Variants in RBFOX1 observed in about 807,000 individuals in gnomAD.
RBFOX1 encodes RNA binding fox-1 homolog 1.
A neutral mutation model predicts 57.7 loss-of-function variants in RBFOX1; 8 were observed. The ratio of observed to expected loss-of-function variants is 0.14; its 90% CI spans 0.08 to 0.25. The LOEUF (loss-of-function observed/expected upper bound fraction) is 0.25, where lower values mean the gene tolerates loss of function less well. Among genes scored for constraint, RBFOX1 ranks in the 10% least tolerant of loss-of-function variants. The pLI is 1.00. For synonymous variants in RBFOX1, 326 were observed against 222.4 expected (o/e 1.47, Z -4.15); for missense variants, 611 against 548.5 (o/e 1.11, Z -1.14).
intron 1 of RBFOX1, among the ~76,000 whole-genome samples, chr16:5,463,771 G>C (rs1230079942): frequency 2.0e-5 from 3 of 150,160 alleles, no homozygotes; most frequent in African/African-American, 7.4e-5. Context: ...CTGCACTCCA[G>C]CCTGGGTGAC....
chr16:7,500,229 T>A (rs1274584760), intron 4 of RBFOX1, among the ~76,000 whole-genome samples: 1 of 152,218 alleles, frequency 6.6e-6, no homozygotes, highest in Non-Finnish European at 1.5e-5. Context: ...ATCCTCATAT[T>A]GGGAAAGAGT....
At chr16:5,904,253 G>C (rs1393702040) in intron 4 of RBFOX1, among the ~76,000 whole-genome samples, 2 of 152,094 alleles carry the variant, frequency 1.3e-5, no homozygotes, top group Non-Finnish European at 2.9e-5. Flanking sequence ...CTAATTTTCT[G>C]TGGGAATTTA....
At chr16:7,512,319 A>G (rs1210350132) in intron 4 of RBFOX1, among the ~76,000 whole-genome samples, 1 of 152,200 alleles carries the variant, frequency 6.6e-6, no homozygotes, top group Non-Finnish European at 1.5e-5. Context: ...ATTTTTCCAG[A>G]AAATACATTT....
At chr16:6,047,361 T>A (rs1452722139) in intron 1 of RBFOX1, among the ~76,000 whole-genome samples, 1 of 152,196 alleles carries the variant, frequency 6.6e-6, no homozygotes, top group Non-Finnish European at 1.5e-5. Flanking sequence ...ATTTGGCTTT[T>A]AGAGAGATCC....
intron 2 of RBFOX1, among the ~76,000 whole-genome samples, chr16:5,483,253 GC>G (rs1297526050): frequency 5.3e-5 from 8 of 152,198 alleles, no homozygotes; most frequent in African/African-American, 1.9e-4. Flanking sequence ...AGCACCAGTA[GC>G]AAGGATGGCA....
At chr16:5,602,811 T>A (rs2047409826), downstream of RBFOX1, among the ~76,000 whole-genome samples, 1 of 152,238 alleles carries the variant, frequency 6.6e-6, no homozygotes, top group African/African-American at 2.4e-5. Flanking sequence ...AGTAATAATG[T>A]AGTTGTAATA....
At chr16:7,078,967 C>T (rs1403424154) in intron 4 of RBFOX1, among the ~76,000 whole-genome samples, 3 of 148,194 alleles carry the variant, frequency 2.0e-5, no homozygotes, top group African/African-American at 7.4e-5. Flanking sequence ...CTTGGCCTCC[C>T]AACAAGACCC....
chr16:6,974,923 C>T (rs141770477), intron 3 of RBFOX1, among the ~76,000 whole-genome samples: 1 of 152,132 alleles, frequency 6.6e-6, no homozygotes, highest in Admixed American at 6.6e-5. Context: ...TGGACCCTCC[C>T]TCTTTTAAAA....
At chr16:6,541,900 G>A (rs990763869) in intron 2 of RBFOX1, among the ~76,000 whole-genome samples, 19 of 152,010 alleles carry the variant, frequency 1.2e-4, no homozygotes, top group Non-Finnish European at 2.1e-4. Context: ...GCTCTGTGCA[G>A]CAGGTAGTGT....
intron 14 of RBFOX1, among the ~76,000 whole-genome samples, chr16:7,704,786 C>T (rs1428320515): frequency 1.3e-5 from 2 of 152,124 alleles, no homozygotes; most frequent in East Asian, 1.9e-4. Flanking sequence ...TGTGGTAGCT[C>T]ATGTTTGTAA....
At chr16:6,469,475 T>C (rs1416657738) in intron 2 of RBFOX1, among the ~76,000 whole-genome samples, 1 of 152,148 alleles carries the variant, frequency 6.6e-6, no homozygotes, top group Non-Finnish European at 1.5e-5. Context: ...TGGCGTGATT[T>C]TAAGGGCCAC....
At chr16:5,485,219 G>T (rs893906841) in intron 2 of RBFOX1, among the ~76,000 whole-genome samples, 5 of 151,560 alleles carry the variant, frequency 3.3e-5, no homozygotes, top group African/African-American at 1.2e-4. Flanking sequence ...AGTGGCAGGT[G>T]TCTATAGTCC....
At chr16:6,434,623 T>C (rs1420371211) in intron 2 of RBFOX1, among the ~76,000 whole-genome samples, 1 of 152,266 alleles carries the variant, frequency 6.6e-6, no homozygotes, top group African/African-American at 2.4e-5. Flanking sequence ...TCTGTCACTC[T>C]GCTTCCAAGC....
At chr16:6,646,362 T>TA (rs2098534954) in intron 2 of RBFOX1, among the ~76,000 whole-genome samples, 1 of 152,122 alleles carries the variant, frequency 6.6e-6, no homozygotes, top group East Asian at 1.9e-4. Context: ...ATCATCTAAA[T>TA]AAAAAATCCA....
chr16:6,363,468 G>C (rs544114201), intron 2 of RBFOX1, among the ~76,000 whole-genome samples: 1 of 152,174 alleles, frequency 6.6e-6, no homozygotes, highest in Non-Finnish European at 1.5e-5. Flanking sequence ...ATGTTCTAGC[G>C]TGGAATGGAT....
chr16:7,161,109 C>A (rs1273444376), intron 4 of RBFOX1, among the ~76,000 whole-genome samples: 1 of 151,536 alleles, frequency 6.6e-6, no homozygotes, highest in African/African-American at 2.4e-5. Context: ...TTAGTGTTTA[C>A]ATCAAGACCA....
Position 6,828,097 on chromosome 16 carries a change from C to T in RBFOX1, c.-16+173447C>T, listed in dbSNP as rs115748021. 6.4e-3 allele frequency among the ~76,000 whole-genome samples: 981 copies of T among 152,218 alleles called. 11 individuals carry two copies. The highest frequency in any genetic ancestry group is 0.023 in the African/African-American group (938 of 41,540). On this transcript the variant is annotated intron_variant, in intron 3 of 15. Coordinates refer to ENST00000550418, the MANE Select transcript of RBFOX1 (RefSeq NM_018723.4). ...GATGCATGCAGTTATGAAGAACCAA[C>T]AGAAGGTACAGGTGGCATGGGACAG...
chr16:6,344,606 C>G (rs939272309), intron 2 of RBFOX1, among the ~76,000 whole-genome samples: 1 of 150,936 alleles, frequency 6.6e-6, no homozygotes. Flanking sequence ...AGCGTGTTAG[C>G]CAGGATGGTT....
At chr16:7,163,481 C>T (rs560459499) in intron 4 of RBFOX1, among the ~76,000 whole-genome samples, 4 of 152,206 alleles carry the variant, frequency 2.6e-5, no homozygotes, top group East Asian at 1.9e-4. Context: ...CTCTGATCTG[C>T]CCATTCTCTC....
Sources: gnomAD v4.1 joint callset for allele counts (sites outside exome capture counted in the v4.1 genomes callset) on GRCh38, gnomAD v4.1.1 for gene constraint, MANE v1.5 for transcripts, NCBI Gene and HGNC (gene_info 2026-07-23, HGNC 2026-07-21) for gene names.